The following DPP6 variants were observed in gnomAD, a reference collection of about 807,000 sequenced individuals.
DPP6 encodes the protein A-type potassium channel modulatory protein DPP6.
In DPP6, 69 loss-of-function variants were observed where a neutral mutation model predicts 122.6. The observed-to-expected ratio is 0.56, with a 90% CI of 0.46 to 0.69. The LOEUF is 0.69. Ranked by LOEUF, DPP6 falls within the 30% of genes least tolerant of loss-of-function variation. DPP6 has a pLI of 0.00. For synonymous variants in DPP6, 418 were observed against 433.1 expected, an observed-to-expected ratio of 0.97 and a Z score of 0.43; for missense variants, 928 against 1,116.9, an observed-to-expected ratio of 0.83 and a Z score of 2.41.
intron 3 of DPP6, among the ~76,000 whole-genome samples, chr7:154,509,942 G>A (rs1036438331): frequency 2.6e-5 from 4 of 152,032 alleles, no homozygotes; most frequent in Non-Finnish European, 5.9e-5. Flanking sequence ...AGGGGCATGG[G>A]GGCAAAGAAA....
At chr7:154,413,643 C>T (rs1044501652) in intron 1 of DPP6, among the ~76,000 whole-genome samples, 1 of 152,096 alleles carries the variant, frequency 6.6e-6, no homozygotes, top group Non-Finnish European at 1.5e-5. Context: ...GCAACCCCTC[C>T]CCTGTTTGGT....
At chr7:154,781,318 C>T (rs1797014582) in intron 10 of DPP6, among the ~76,000 whole-genome samples, 1 of 152,142 alleles carries the variant, frequency 6.6e-6, no homozygotes, top group Non-Finnish European at 1.5e-5. Context: ...TTCATGTTCA[C>T]AGCATTAAAT....
chr7:154,569,315 T>G (rs1477970937), intron 5 of DPP6, among the ~76,000 whole-genome samples: 1 of 152,034 alleles, frequency 6.6e-6, no homozygotes, highest in Non-Finnish European at 1.5e-5. Flanking sequence ...AGTATTGTAT[T>G]AATAGTATAA....
At chr7:154,476,584 C>T (rs1447150292) in intron 3 of DPP6, among the ~76,000 whole-genome samples, 1 of 152,176 alleles carries the variant, frequency 6.6e-6, no homozygotes, top group East Asian at 1.9e-4. Flanking sequence ...ATCGGAAGTT[C>T]TCATCCTTCT....
intron 1 of DPP6, among the ~76,000 whole-genome samples, chr7:154,186,072 G>A (rs550028606): frequency 3.3e-5 from 5 of 152,362 alleles, no homozygotes; most frequent in South Asian, 2.1e-4. Context: ...TTTTGTGCAA[G>A]TTGCTTAGTG....
chr7:154,106,204 C>A (rs1460987774), intron 1 of DPP6, among the ~76,000 whole-genome samples: 1 of 139,824 alleles, frequency 7.2e-6, no homozygotes, highest in African/African-American at 2.7e-5. Context: ...TTCTTTGCTC[C>A]CATAGCATTA....
In DPP6 at chr7:154,882,226, A is replaced by T. The variant is rs78171901; in HGVS notation, c.2133+1284A>T. Among the ~76,000 whole-genome samples the T allele has an allele frequency of 5.8e-3, 881 of 152,220 alleles. 10 individuals are homozygous for T. Among genetic ancestry groups the T allele is most frequent in the African/African-American group, 0.021 (860 of 41,532 alleles). On this transcript the variant is annotated intron_variant, in intron 21 of 25. Coordinates refer to ENST00000377770, the MANE Select transcript of DPP6 (RefSeq NM_130797.4). ...CACAGGCAGCCGAGGTGCCAAAGGGAAAGGGGACCCTGTGCACCTGTCAGA... is the reference window on the plus strand; with the variant it reads ...CACAGGCAGCCGAGGTGCCAAAGGGTAAGGGGACCCTGTGCACCTGTCAGA...
At chr7:154,433,985 A>G (rs760098239) in intron 1 of DPP6, among the ~76,000 whole-genome samples, 1 of 152,238 alleles carries the variant, frequency 6.6e-6, no homozygotes, top group African/African-American at 2.4e-5. Flanking sequence ...GTCTCAGTCT[A>G]TCTTAAACTG....
chr7:154,079,732 G>A (rs1803852737), intron 1 of DPP6, among the ~76,000 whole-genome samples: 1 of 152,108 alleles, frequency 6.6e-6, no homozygotes, highest in Non-Finnish European at 1.5e-5. Flanking sequence ...GACAATCAGA[G>A]TCTGGACTTT....
In DPP6 at chr7:154,649,471, G is replaced by A. The variant is rs796686535; in HGVS notation, c.680+11598G>A. 3.3e-5 allele frequency among the ~76,000 whole-genome samples: 5 copies of A among 152,270 alleles called. No homozygotes were observed. In the South Asian group the frequency reaches 1.0e-3, roughly 32 times the overall value. On this transcript the variant is annotated intron_variant, in intron 6 of 25. Coordinates refer to ENST00000377770, the MANE Select transcript of DPP6 (RefSeq NM_130797.4). ...AAAGTGCCCAACTGTCTTCCAAAGTGGCTGCACCATTAAGAACTCTGCCTT... is the reference window on the plus strand; with the variant it reads ...AAAGTGCCCAACTGTCTTCCAAAGTAGCTGCACCATTAAGAACTCTGCCTT...
intron 10 of DPP6, among the ~76,000 whole-genome samples, chr7:154,788,166 G>A (rs1052167294): frequency 2.6e-5 from 4 of 152,028 alleles, no homozygotes; most frequent in Admixed American, 1.3e-4. Context: ...AGATAAGGCC[G>A]GGCACAGTGG....
At chr7:154,122,057 A>G (rs1427917545) in intron 1 of DPP6, among the ~76,000 whole-genome samples, 1 of 152,248 alleles carries the variant, frequency 6.6e-6, no homozygotes, top group Non-Finnish European at 1.5e-5. Context: ...TTTTACATTT[A>G]GTACAATTGA....
chr7:153,879,098 G>A, the DPP6 span, among the ~76,000 whole-genome samples: 1 of 152,190 alleles, frequency 6.6e-6, no homozygotes, highest in Non-Finnish European at 1.5e-5. Flanking sequence ...CCAGAGAAGG[G>A]GTTTAGCTGT....
intron 16 of DPP6, among the ~76,000 whole-genome samples, chr7:154,837,452 A>G (rs2150539656): frequency 6.6e-6 from 1 of 152,362 alleles, no homozygotes; most frequent in East Asian, 1.9e-4. Context: ...ATGCACGCAC[A>G]CACACGTGGG....
intron 1 of DPP6, among the ~76,000 whole-genome samples, chr7:153,963,295 C>T (rs964206181): frequency 1.7e-4 from 26 of 151,482 alleles, no homozygotes; most frequent in Non-Finnish European, 2.7e-4. Context: ...GCACCTGCCA[C>T]GTGCCAGGCA....
intron 1 of DPP6, among the ~76,000 whole-genome samples, chr7:154,170,516 G>A (rs952241910): frequency 1.3e-5 from 2 of 152,204 alleles, no homozygotes; most frequent in African/African-American, 4.8e-5. Context: ...TCAGCCTCCT[G>A]CTCATTACAG....
At chr7:154,205,071 C>T (rs748251150) in intron 1 of DPP6, among the ~76,000 whole-genome samples, 35 of 152,234 alleles carry the variant, frequency 2.3e-4, no homozygotes, top group Middle Eastern at 6.8e-3. Context: ...TTAGTCATTG[C>T]TGATATTATT....
chr7:154,173,627 T>C (rs1797648120), intron 1 of DPP6, among the ~76,000 whole-genome samples: 1 of 152,142 alleles, frequency 6.6e-6, no homozygotes, highest in African/African-American at 2.4e-5. Context: ...CCCTTCTTGC[T>C]CTTTGCTGCT....
intron 1 of DPP6, among the ~76,000 whole-genome samples, chr7:154,335,593 C>G (rs1276014080): frequency 6.6e-6 from 1 of 152,138 alleles, no homozygotes; most frequent in Non-Finnish European, 1.5e-5. Context: ...AGTACAGAAT[C>G]AATCCAAGAA....
Sources: gnomAD v4.1 joint callset for allele counts (sites outside exome capture counted in the v4.1 genomes callset) on GRCh38, gnomAD v4.1.1 for gene constraint, MANE v1.5 for transcripts, NCBI Gene and HGNC (gene_info 2026-07-23, HGNC 2026-07-21) for gene names.